Variants in SGPP2 observed in about 807,000 individuals in gnomAD.
SGPP2 encodes the protein sphingosine 1-phosphate phosphohydrolase 2.
In SGPP2, 30 loss-of-function variants were observed where a neutral mutation model predicts 33.9. The ratio of observed to expected loss-of-function variants is 0.89; its 90% CI spans 0.66 to 1.20. The LOEUF (loss-of-function observed/expected upper bound fraction) is 1.20, where lower values mean the gene tolerates loss of function less well. SGPP2 is among the 50% of genes most tolerant of loss of function. SGPP2 has a pLI of 0.00. For synonymous variants in SGPP2, 233 were observed against 225.0 expected (o/e 1.04, Z -0.32); for missense variants, 458 against 532.1 (o/e 0.86, Z 1.37).
upstream of SGPP2, among the ~76,000 whole-genome samples, chr2:222,423,988 AG>A (rs1426449559): frequency 6.6e-6 from 1 of 152,104 alleles, no homozygotes; most frequent in East Asian, 1.9e-4. Context: ...TCGGACCTCT[AG>A]GGAGACGTTG....
intron 2 of SGPP2, among the ~76,000 whole-genome samples, chr2:222,508,482 T>C (rs947304200): frequency 1.3e-5 from 2 of 152,190 alleles, no homozygotes; most frequent in Admixed American, 1.3e-4. Context: ...AAATAGATAA[T>C]GTCTGTGAAA....
intron 2 of SGPP2, among the ~76,000 whole-genome samples, chr2:222,489,630 A>G (rs919862117): frequency 6.6e-6 from 1 of 152,134 alleles, no homozygotes; most frequent in African/African-American, 2.4e-5. Flanking sequence ...CCTACAGGGC[A>G]GTCAAAAGGG....
chr2:222,491,632 G>T (rs1237585194), intron 2 of SGPP2, among the ~76,000 whole-genome samples: 1 of 152,088 alleles, frequency 6.6e-6, no homozygotes, highest in East Asian at 1.9e-4. Flanking sequence ...CAGATTATGG[G>T]GTTACCATTT....
At chr2:222,511,870 G>A (rs1698534671) in intron 2 of SGPP2, among the ~76,000 whole-genome samples, 1 of 151,976 alleles carries the variant, frequency 6.6e-6, no homozygotes, top group Admixed American at 6.6e-5. Context: ...GTAGAGACAG[G>A]GTTTCACCAT....
At chr2:222,527,683 C>T (rs1698779199) in intron 4 of SGPP2, among the ~76,000 whole-genome samples, 1 of 152,204 alleles carries the variant, frequency 6.6e-6, no homozygotes, top group African/African-American at 2.4e-5. Flanking sequence ...GGACCCAGGG[C>T]TTCTTTCATG....
chr2:222,431,642 AG>A lies in SGPP2; in HGVS notation c.219+6822del, dbSNP rs1245468671. 1.1e-3 allele frequency among the ~76,000 whole-genome samples: 168 copies of A among 152,354 alleles called. 2 individuals carry two copies. The highest frequency in any genetic ancestry group is 2.6e-4 in the Non-Finnish European group (18 of 68,030). Reference sequence around the variant, plus strand: ...GGAGCAAGCAACTTCAGCCTAAAAAAGCAAGAACAGGGAATAGGGTTCGGGT... The same window carrying A: ...GGAGCAAGCAACTTCAGCCTAAAAAACAAGAACAGGGAATAGGGTTCGGGT... On this transcript the variant is annotated intron_variant, in intron 1 of 4. Transcript: ENST00000321276.
intron 1 of SGPP2, among the ~76,000 whole-genome samples, chr2:222,438,701 A>G (rs10932955): frequency 0.5 from 75,654 of 152,170 alleles, 19,583 homozygotes; most frequent in Admixed American, 0.65. Flanking sequence ...TCATTCTCCA[A>G]GATCCATCTG....
chr2:222,462,479 G>T (rs1445145062), intron 1 of SGPP2, among the ~76,000 whole-genome samples: 1 of 152,136 alleles, frequency 6.6e-6, no homozygotes, highest in Non-Finnish European at 1.5e-5. Context: ...TGTGAGAATG[G>T]GTGGATGAGG....
chr2:222,526,053 CAAAGG>C, intron 4 of SGPP2, among the ~76,000 whole-genome samples: 1 of 152,256 alleles, frequency 6.6e-6, no homozygotes, highest in South Asian at 2.1e-4. Context: ...TCTTAAAATG[CAAAGG>C]AAGGTGCTGA....
At chr2:222,521,244 C>T (rs949890696) in intron 2 of SGPP2, among the ~76,000 whole-genome samples, 2 of 152,188 alleles carry the variant, frequency 1.3e-5, no homozygotes, top group African/African-American at 4.8e-5. Context: ...ACAAGTGCTG[C>T]CTGGTTTGAG....
chr2:222,508,319 G>A (rs1257841071), intron 2 of SGPP2, among the ~76,000 whole-genome samples: 2 of 152,126 alleles, frequency 1.3e-5, no homozygotes, highest in Non-Finnish European at 2.9e-5. Flanking sequence ...GATGCTAGAC[G>A]GCGTGGTGTG....
At chr2:222,531,790 T>A (rs1415287227) in intron 4 of SGPP2, among the ~76,000 whole-genome samples, 1 of 151,924 alleles carries the variant, frequency 6.6e-6, no homozygotes, top group Admixed American at 6.6e-5. Flanking sequence ...GGGTTGAGAG[T>A]CATTGATTGG....
chr2:222,558,928 G>A lies in SGPP2; in HGVS notation c.*30G>A. ...CAAACAGTTGGAAACTAGCCCACTG[G>A]ACATGAAAGCCAAGACATAGGAAAG... On this transcript the variant is annotated 3_prime_UTR_variant, in exon 5 of 5. Transcript: ENST00000321276. 1.3e-6 allele frequency: 2 copies of A among 1,582,008 alleles called. No homozygotes were observed. Among genetic ancestry groups the A allele is most frequent in the Non-Finnish European group, 1.7e-6 (2 of 1,157,268 alleles).
intron 4 of SGPP2, among the ~76,000 whole-genome samples, chr2:222,552,647 G>A (rs1369613003): frequency 6.6e-6 from 1 of 152,134 alleles, no homozygotes; most frequent in African/African-American, 2.4e-5. Flanking sequence ...GATCACCTGA[G>A]GTTGGGAGTT....
chr2:222,496,256 C>T (rs1234745381), intron 2 of SGPP2, among the ~76,000 whole-genome samples: 1 of 152,214 alleles, frequency 6.6e-6, no homozygotes. Flanking sequence ...AAACAGTTCC[C>T]GTCCATGAGG....
At chr2:222,438,405 A>C (rs535898430) in intron 1 of SGPP2, among the ~76,000 whole-genome samples, 59 of 152,364 alleles carry the variant, frequency 3.9e-4, no homozygotes, top group African/African-American at 1.4e-3. Context: ...ATCTTGCGAA[A>C]GTGAAAAGCG....
intron 2 of SGPP2, among the ~76,000 whole-genome samples, chr2:222,514,081 T>G (rs1452479111): frequency 6.7e-6 from 1 of 149,368 alleles, no homozygotes; most frequent in Non-Finnish European, 1.5e-5. Flanking sequence ...TAATATGACT[T>G]ACTTACACAT....
intron 1 of SGPP2, among the ~76,000 whole-genome samples, chr2:222,426,017 C>T (rs1339635413): frequency 6.6e-6 from 1 of 152,006 alleles, no homozygotes; most frequent in East Asian, 1.9e-4. Flanking sequence ...GAGAACCCCT[C>T]TTTTTTCTCT....
rs1559180336 is a variant in SGPP2 at position 222,559,165 on chromosome 2, C to CCCT, written c.*269_*270insTCC. 4.5e-5 allele frequency: 4 copies of CCCT among 89,782 alleles called. No homozygotes were observed. The highest frequency in any genetic ancestry group is 8.8e-5 in the African/African-American group (1 of 11,332). The allele number at this position is 89,782 out of a possible 1,614,324, so 5.6% of individuals were successfully genotyped here. On this transcript the variant is annotated 3_prime_UTR_variant, in exon 5 of 5. Transcript: ENST00000321276. ...ATCTTTAAAGGCACACACCGCGCCC[C>CCCT]CCCCCCCCCCGCCCGGCCCCTGCTC...
Sources: allele counts gnomAD v4.1 joint callset (sites outside exome capture counted in the v4.1 genomes callset), GRCh38; gene constraint gnomAD v4.1.1; transcripts MANE v1.5; gene names NCBI Gene and HGNC (gene_info 2026-07-23, HGNC 2026-07-21).